Variants in NRXN3 observed in about 807,000 individuals in gnomAD.
The protein encoded by NRXN3 is neurexin III.
A neutral mutation model predicts 137.6 loss-of-function variants in NRXN3; 32 were observed. That is an observed-to-expected ratio of 0.23 (90% CI 0.18 to 0.31). The LOEUF (loss-of-function observed/expected upper bound fraction) is 0.31. NRXN3 is among the 10% of genes least tolerant of loss of function. The pLI is 1.00. For missense variants in NRXN3, 1,574 were observed against 2,062.5 expected, an observed-to-expected ratio of 0.76 and a Z score of 4.59; for synonymous variants, 798 against 784.5, an observed-to-expected ratio of 1.02 and a Z score of -0.29.
At chr14:79,129,035 A>AT (rs1332068022) in intron 15 of NRXN3, among the ~76,000 whole-genome samples, 1 of 152,048 alleles carries the variant, frequency 6.6e-6, no homozygotes, top group Non-Finnish European at 1.5e-5. Flanking sequence ...CCCCTTTATC[A>AT]TTTTTTATTG....
At chr14:78,703,760 G>C (rs1331670352) in intron 6 of NRXN3, 1 of 152,226 alleles carries the variant, frequency 6.6e-6, no homozygotes, top group African/African-American at 2.4e-5. Flanking sequence ...CTGATGTGGA[G>C]TGGATCATTG....
chr14:79,550,822 G>A (rs1161531983), intron 16 of NRXN3, among the ~76,000 whole-genome samples: 1 of 152,162 alleles, frequency 6.6e-6, no homozygotes, highest in African/African-American at 2.4e-5. Flanking sequence ...AAAACAAGGA[G>A]TAATCATTAT....
At chr14:78,566,621 C>G (rs2152294041) in intron 4 of NRXN3, among the ~76,000 whole-genome samples, 1 of 152,310 alleles carries the variant, frequency 6.6e-6, no homozygotes. Flanking sequence ...GAGCAGCGAG[C>G]TCTGCGTGCT....
chr14:78,877,911 T>C (rs1218693963), intron 10 of NRXN3, among the ~76,000 whole-genome samples: 4 of 152,216 alleles, frequency 2.6e-5, no homozygotes, highest in African/African-American at 9.6e-5. Flanking sequence ...CCCATAGAGG[T>C]TGCAGTTTGT....
At chr14:79,030,986 A>G (rs2099607392) in intron 15 of NRXN3, among the ~76,000 whole-genome samples, 1 of 151,878 alleles carries the variant, frequency 6.6e-6, no homozygotes, top group South Asian at 2.1e-4. Context: ...ATATGTTGTT[A>G]TGACATTTCT....
At chr14:78,289,812 G>A (rs1390717754) in intron 3 of NRXN3, among the ~76,000 whole-genome samples, 1 of 152,174 alleles carries the variant, frequency 6.6e-6, no homozygotes, top group African/African-American at 2.4e-5. Flanking sequence ...CACTGGGAAG[G>A]CTGGGGCAGG....
intron 15 of NRXN3, among the ~76,000 whole-genome samples, chr14:79,039,455 G>A (rs760496080): frequency 2.6e-5 from 4 of 152,102 alleles, no homozygotes; most frequent in African/African-American, 4.8e-5. Context: ...GAGAATAAGA[G>A]AGATTAGGAA....
At chr14:78,616,636 C>T (rs990141058) in intron 4 of NRXN3, among the ~76,000 whole-genome samples, 1 of 152,180 alleles carries the variant, frequency 6.6e-6, no homozygotes, top group Admixed American at 6.5e-5. Flanking sequence ...TCACACATAG[C>T]TCTCTGCTTC....
At chr14:79,053,337 G>A (rs2099644707) in intron 15 of NRXN3, among the ~76,000 whole-genome samples, 1 of 152,136 alleles carries the variant, frequency 6.6e-6, no homozygotes, top group Non-Finnish European at 1.5e-5. Flanking sequence ...AGAAAATGAA[G>A]GACTAGAGAC....
intron 16 of NRXN3, among the ~76,000 whole-genome samples, chr14:79,592,538 T>C (rs1196273387): frequency 6.6e-6 from 1 of 152,146 alleles, no homozygotes; most frequent in East Asian, 1.9e-4. Context: ...TGTAATGTTA[T>C]ATGTTAATGG....
At chr14:79,793,346 C>A (rs1316914478) in intron 19 of NRXN3, among the ~76,000 whole-genome samples, 1 of 152,188 alleles carries the variant, frequency 6.6e-6, no homozygotes, top group Non-Finnish European at 1.5e-5. Context: ...ACCCGGGAGG[C>A]GGAGCTTGCA....
chr14:79,610,467 G>C (rs2153866250), intron 16 of NRXN3, among the ~76,000 whole-genome samples: 1 of 152,326 alleles, frequency 6.6e-6, no homozygotes, highest in South Asian at 2.1e-4. Context: ...AGGAAAGGAA[G>C]ACAAGAGAGA....
chr14:79,649,395 C>G (rs1033787856), intron 16 of NRXN3, among the ~76,000 whole-genome samples: 11 of 151,944 alleles, frequency 7.2e-5, no homozygotes, highest in African/African-American at 2.4e-4. Context: ...CCACCAGGCA[C>G]GTTTGGAAAA....
intron 4 of NRXN3, among the ~76,000 whole-genome samples, chr14:78,469,629 T>C (rs4903766): frequency 0.019 from 2,941 of 152,300 alleles, 149 homozygotes; most frequent in Admixed American, 0.12. Context: ...GATCAACACC[T>C]GGTGTTTGAA....
At chr14:79,059,645 G>A (rs2088965) in intron 15 of NRXN3, among the ~76,000 whole-genome samples, 150,912 of 152,316 alleles carry the variant, frequency 0.99, 74,785 homozygotes, top group Middle Eastern at 1. Flanking sequence ...TGATTCTCAT[G>A]TTATTGCAGC....
At chr14:79,533,994 C>T (rs185881007) in intron 16 of NRXN3, among the ~76,000 whole-genome samples, 6 of 152,298 alleles carry the variant, frequency 3.9e-5, no homozygotes, top group Admixed American at 3.9e-4. Context: ...ACTTTGAATA[C>T]ACTTTTTTCT....
At chr14:79,270,283 A>T (rs1162593440) in intron 15 of NRXN3, among the ~76,000 whole-genome samples, 1 of 152,148 alleles carries the variant, frequency 6.6e-6, no homozygotes, top group Non-Finnish European at 1.5e-5. Context: ...AGATAATTGC[A>T]TATTTTGGAG....
chr14:79,217,573 G>A (rs1219935552), intron 15 of NRXN3, among the ~76,000 whole-genome samples: 8 of 152,184 alleles, frequency 5.3e-5, no homozygotes, highest in African/African-American at 1.9e-4. Context: ...GAGAAAATAA[G>A]TTTGTGAATT....
chr14:79,410,612 G>A (rs997252148), intron 15 of NRXN3, among the ~76,000 whole-genome samples: 1 of 151,950 alleles, frequency 6.6e-6, no homozygotes, highest in Non-Finnish European at 1.5e-5. Flanking sequence ...GTGACCTTGA[G>A]CAAATTACTT....
Sources: gnomAD v4.1 joint callset for allele counts (sites outside exome capture counted in the v4.1 genomes callset) on GRCh38, gnomAD v4.1.1 for gene constraint, MANE v1.5 for transcripts, NCBI Gene and HGNC (gene_info 2026-07-23, HGNC 2026-07-21) for gene names.